Variants in ANKRD30A observed in about 807,000 individuals in gnomAD.
The protein encoded by ANKRD30A is ankyrin repeat domain 30A.
Under a neutral mutation model 166.3 loss-of-function variants are expected in ANKRD30A, and 170 were observed. The observed-to-expected ratio is 1.02, with a 90% CI of 0.90 to 1.16. The LOEUF (loss-of-function observed/expected upper bound fraction) is 1.16. Ranked by LOEUF, ANKRD30A falls within the 50% of genes most tolerant of loss-of-function variation. The pLI is 0.00. For synonymous variants in ANKRD30A, 564 were observed against 508.9 expected (o/e 1.11, Z -1.46); for missense variants, 1,630 against 1,518.0 (o/e 1.07, Z -1.23).
At chr10:37,202,215 G>T (rs565237989) in intron 31 of ANKRD30A, among the ~76,000 whole-genome samples, 1 of 151,706 alleles carries the variant, frequency 6.6e-6, no homozygotes, top group Non-Finnish European at 1.5e-5. Flanking sequence ...AAGGGGCAAC[G>T]CAATAGAAAT....
At chr10:37,264,017 A>G in the ANKRD30A span, among the ~76,000 whole-genome samples, 1 of 152,250 alleles carries the variant, frequency 6.6e-6, no homozygotes, top group Non-Finnish European at 1.5e-5. Flanking sequence ...AAAGGAGGAA[A>G]AATGAACAAC....
intron 1 of ANKRD30A, among the ~76,000 whole-genome samples, chr10:37,127,573 C>A (rs962385789): frequency 6.6e-6 from 1 of 151,988 alleles, no homozygotes; most frequent in African/African-American, 2.4e-5. Context: ...TCACTCAAAT[C>A]AACAAAAAAC....
intron 25 of ANKRD30A, among the ~76,000 whole-genome samples, chr10:37,192,709 G>A (rs1840702467): frequency 1.3e-5 from 2 of 151,944 alleles, no homozygotes; most frequent in Admixed American, 1.3e-4. Flanking sequence ...TTCTGTTTTG[G>A]TGGGGTGTGG....
chr10:37,193,478 C>G (rs1840774569), intron 27 of ANKRD30A, among the ~76,000 whole-genome samples: 1 of 152,046 alleles, frequency 6.6e-6, no homozygotes, highest in Non-Finnish European at 1.5e-5. Context: ...TCATGTGGTT[C>G]TACTTTAATG....
intron 18 of ANKRD30A, among the ~76,000 whole-genome samples, chr10:37,166,009 A>C (rs1588849177): frequency 6.6e-6 from 1 of 152,212 alleles, no homozygotes; most frequent in Middle Eastern, 3.4e-3. Context: ...TACTGCATTT[A>C]CATTCTATTC....
chr10:37,213,393 T>C (rs1281201580), intron 31 of ANKRD30A, among the ~76,000 whole-genome samples: 1 of 151,744 alleles, frequency 6.6e-6, no homozygotes, highest in Non-Finnish European at 1.5e-5. Context: ...GGGTTGGCCC[T>C]CATGACCTAA....
chr10:37,240,162 A>G, the ANKRD30A span, among the ~76,000 whole-genome samples: 1 of 152,152 alleles, frequency 6.6e-6, no homozygotes, highest in African/African-American at 2.4e-5. Flanking sequence ...AGATATAAAC[A>G]CATACTCATA....
chr10:37,258,610 A>T, the ANKRD30A span, among the ~76,000 whole-genome samples: 3 of 151,764 alleles, frequency 2.0e-5, no homozygotes, highest in Non-Finnish European at 4.4e-5. Context: ...AACAAAGGTC[A>T]ATCGTAGGTG....
At chr10:37,145,974 TGA>T (rs1216319180) in intron 8 of ANKRD30A, among the ~76,000 whole-genome samples, 2 of 152,278 alleles carry the variant, frequency 1.3e-5, no homozygotes, top group African/African-American at 2.4e-5. Flanking sequence ...TAGAACTCTT[TGA>T]GTCCGTTTGT....
intron 30 of ANKRD30A, 54 bp from the exon 31 acceptor site, chr10:37,201,181 C>G (rs544865340): frequency 7.4e-7 from 1 of 1,346,348 alleles, no homozygotes; most frequent in Non-Finnish European, 1.0e-6. Flanking sequence ...TTTTGATAAT[C>G]TTCATTATTA....
chr10:37,252,798 G>A, the ANKRD30A span, among the ~76,000 whole-genome samples: 1 of 152,042 alleles, frequency 6.6e-6, no homozygotes, highest in South Asian at 2.1e-4. Flanking sequence ...AGTATTAAAG[G>A]CGCTAATATA....
chr10:37,214,783 T>G (rs1296477615), intron 31 of ANKRD30A, among the ~76,000 whole-genome samples: 1 of 151,412 alleles, frequency 6.6e-6, no homozygotes, highest in Non-Finnish European at 1.5e-5. Flanking sequence ...TTGTGTATTT[T>G]CATTTCTTCT....
chr10:37,228,924 G>T (rs1843286174), intron 34 of ANKRD30A, among the ~76,000 whole-genome samples: 1 of 151,940 alleles, frequency 6.6e-6, no homozygotes, highest in Admixed American at 6.6e-5. Flanking sequence ...AACAACATTT[G>T]TTTTACTAAT....
chr10:37,244,028 G>A, the ANKRD30A span, among the ~76,000 whole-genome samples: 2 of 152,110 alleles, frequency 1.3e-5, no homozygotes, highest in Non-Finnish European at 2.9e-5. Flanking sequence ...CAGCATTTGT[G>A]TGATTATCAT....
At chr10:37,246,895 A>T in the ANKRD30A span, among the ~76,000 whole-genome samples, 1 of 152,182 alleles carries the variant, frequency 6.6e-6, no homozygotes, top group Non-Finnish European at 1.5e-5. Flanking sequence ...AGTGATAATA[A>T]AAAATGTCTC....
At chr10:37,231,179 A>G (rs148278873) in intron 34 of ANKRD30A, among the ~76,000 whole-genome samples, 142 of 152,090 alleles carry the variant, frequency 9.3e-4, no homozygotes, top group African/African-American at 3.1e-3. Flanking sequence ...GAAATACAAC[A>G]TGATGTTTTG....
intron 15 of ANKRD30A, among the ~76,000 whole-genome samples, chr10:37,161,947 TA>T (rs1345362572): frequency 6.6e-6 from 1 of 152,174 alleles, no homozygotes; most frequent in African/African-American, 2.4e-5. Context: ...GACTTAACAA[TA>T]TAAAAAAGTT....
chr10:37,162,525 A>G lies in ANKRD30A; in HGVS notation c.1901-124A>G. On this transcript the variant is annotated intron_variant, in intron 15 of 35. Transcript: ENST00000361713. Reference sequence around the variant, plus strand: ...TAAACAAACCAAAAGAAAACTTTCCAAATCTAAAGTATTCATTCTCCAATT... The same window carrying G: ...TAAACAAACCAAAAGAAAACTTTCCGAATCTAAAGTATTCATTCTCCAATT... The G allele has an allele frequency of 2.3e-6, 3 of 1,299,730 alleles. No homozygotes were observed. In the Admixed American group the frequency reaches 5.6e-5, roughly 24 times the overall value. The allele number at this position is 1,299,730 out of a possible 1,614,324, so 80.5% of individuals were successfully genotyped here. A position where few individuals can be genotyped will look rare whatever the true frequency, so the allele number is the denominator to read the frequency against.
the ANKRD30A span, among the ~76,000 whole-genome samples, chr10:37,265,628 C>G: frequency 8.5e-5 from 13 of 152,320 alleles, no homozygotes; most frequent in Admixed American, 3.9e-4. Flanking sequence ...TTTGCACAAC[C>G]TTAGGCCCAA....
Sources: gnomAD v4.1 joint callset for allele counts (sites outside exome capture counted in the v4.1 genomes callset) on GRCh38, gnomAD v4.1.1 for gene constraint, MANE v1.5 for transcripts, NCBI Gene and HGNC (gene_info 2026-07-23, HGNC 2026-07-21) for gene names.